Variants in ZNF711 observed in about 807,000 individuals in gnomAD.
ZNF711 encodes ZFX family zinc finger ZNF711.
A neutral mutation model predicts 43.5 loss-of-function variants in ZNF711; 3 were observed. The observed-to-expected ratio is 0.07, with a 90% CI of 0.03 to 0.18. ZNF711 has a LOEUF of 0.18. ZNF711 is among the 10% of genes least tolerant of loss of function. The probability of loss-of-function intolerance (pLI) is 1.00; values close to 1 mark genes in which losing one functional copy is unlikely to be tolerated. For synonymous variants in ZNF711, 209 were observed against 207.7 expected (o/e 1.01, Z -0.06); for missense variants, 412 against 604.0 (o/e 0.68, Z 3.33).
Position 85,264,336 on chromosome X carries a change from T to C in ZNF711, c.684T>C (p.Asp228=). The change falls in exon 6 of 11, where the codon GAT becomes GAC. Residue 228 remains aspartate (D), a synonymous_variant. Transcript: ENST00000674551. ...MGNTPLKIGS[D]GSQEDAKEDG... ...ATACACCATTAAAAATTGGCAGTGA[T>C]GGTTCACAAGAAGATGCTAAAGAAG... 8.3e-7 allele frequency: 1 copy of C among 1,205,861 alleles called. No homozygotes were observed. The highest frequency in any genetic ancestry group is 1.1e-6 in the Non-Finnish European group (1 of 890,829).
At chrX:85,248,707 A>T (rs941645658) in intron 4 of ZNF711, among the ~76,000 whole-genome samples, 1 of 111,209 alleles carries the variant, frequency 9.0e-6, no homozygotes, top group Non-Finnish European at 1.9e-5. Context: ...AGCAGAAAAG[A>T]CAAATGGTGA....
At position 85,267,425 on chromosome X, in the gene ZNF711, T is replaced by G. The variant is rs1375555323; in HGVS notation, c.1054+10T>G. ...TGGGCTGCGGCATATGGTAGGATAC[T>G]GGCATTTTTTCACCTGATAAGTACA... On this transcript the variant is annotated intron_variant, in intron 8 of 10. Transcript: ENST00000674551. The G allele has an allele frequency of 9.0e-7, 1 of 1,112,654 alleles. No homozygotes were observed. 91.7% of individuals were successfully genotyped at this position (1,112,654 alleles called of 1,213,427 possible).
intron 2 of ZNF711, 74 bp downstream of exon 2, chrX:85,246,096 G>C (rs1465423656): frequency 8.9e-6 from 1 of 111,784 alleles, no homozygotes; most frequent in Non-Finnish European, 1.9e-5. Context: ...AACATTTTCA[G>C]ACATTTGTAG....
chrX:85,247,604 A>C lies in ZNF711; in HGVS notation c.32A>C (p.His11Pro), dbSNP rs1929140090. The C allele has an allele frequency of 1.7e-6, 2 of 1,208,895 alleles. No individual in the cohort carries two copies. Among genetic ancestry groups the C allele is most frequent in the South Asian group, 3.5e-5 (2 of 56,531 alleles). ...TCAGGCGGTGGAAGTCTTGGATTGC[A>C]CACGCCAGACTCTAGAATGGCCCAT... MDSGGGSLGL[H>P]TPDSRMAHTM... Residue 11 changes from histidine (H) to proline (P), a missense_variant, in exon 4 of 11, where the codon CAC (histidine) becomes CCC (proline). By Grantham distance (77) the His-to-Pro change is moderately conservative. Coordinates refer to ENST00000674551, the MANE Select transcript of ZNF711 (RefSeq NM_001330574.2).
At chrX:85,248,609 A>G (rs1929266686) in intron 4 of ZNF711, among the ~76,000 whole-genome samples, 1 of 110,812 alleles carries the variant, frequency 9.0e-6, no homozygotes, top group Non-Finnish European at 1.9e-5. Flanking sequence ...TTGGCCAGGG[A>G]TGATCTGAAT....
Position 85,244,123 on chromosome X carries a change from AGGCGGC to A in ZNF711, c.-455_-450del, listed in dbSNP as rs758475553. 1.6e-4 allele frequency: 24 copies of A among 147,304 alleles called. No individual in the cohort carries two copies. Among genetic ancestry groups the A allele is most frequent in the African/African-American group, 4.0e-4 (12 of 30,087 alleles). 12.1% of individuals were successfully genotyped at this position (147,304 alleles called of 1,213,427 possible). A position where few individuals can be genotyped will look rare whatever the true frequency, so the allele number is the denominator to read the frequency against. ...GGTCACAGTCCGACTGGCGGCACGG[AGGCGGC>A]GGCGGCGGCGGCGGCGGCAGCGGCG... On this transcript the variant is annotated 5_prime_UTR_variant, in exon 1 of 11. Transcript: ENST00000674551.
chrX:85,247,500 T>G (rs138679709), intron 3 of ZNF711, 47 bp from the exon 4 acceptor site: 1 of 940,800 alleles, frequency 1.1e-6, no homozygotes, highest in Non-Finnish European at 1.5e-6. Context: ...AACAACTAAC[T>G]TTGGACTAAA....
chrX:85,270,213 A>T, intron 10 of ZNF711, 67 bp downstream of exon 10: 1 of 1,100,253 alleles, frequency 9.1e-7, no homozygotes, highest in East Asian at 3.2e-5. Flanking sequence ...TCACCAAAGA[A>T]AAATATCGAT....
chrX:85,266,697 A>G (rs192246365), intron 7 of ZNF711, among the ~76,000 whole-genome samples: 1 of 109,719 alleles, frequency 9.1e-6, no homozygotes, highest in African/African-American at 3.3e-5. Flanking sequence ...GTTTTGTTCA[A>G]TGAAGCTCAT....
chrX:85,270,258 T>A, intron 10 of ZNF711, 112 bp downstream of exon 10: 1 of 809,756 alleles, frequency 1.2e-6, no homozygotes, highest in East Asian at 3.5e-5. Flanking sequence ...CATGTACCTG[T>A]TTGTGTATGC....
At chrX:85,255,136 A>T (rs1422959385) in intron 4 of ZNF711, 123 bp from the exon 5 acceptor site, 38 of 695,100 alleles carry the variant, frequency 5.5e-5, no homozygotes, top group Non-Finnish European at 7.6e-5. Flanking sequence ...ATTTTAAAAA[A>T]TGATTTATTT....
chrX:85,258,132 G>A (rs976042173), intron 5 of ZNF711, among the ~76,000 whole-genome samples: 1 of 112,215 alleles, frequency 8.9e-6, no homozygotes, highest in African/African-American at 3.2e-5. Flanking sequence ...TATGGAACCA[G>A]CCGGAATGCC....
intron 4 of ZNF711, among the ~76,000 whole-genome samples, chrX:85,250,136 C>T (rs1602954855): frequency 9.0e-6 from 1 of 111,720 alleles, no homozygotes; most frequent in South Asian, 3.6e-4. Context: ...ATTTTTAATC[C>T]ACTAGAAATA....
chrX:85,264,200 T>G (rs755949331), intron 5 of ZNF711, 75 bp from the exon 6 acceptor site: 68 of 842,286 alleles, frequency 8.1e-5, no homozygotes, highest in Admixed American at 1.0e-4. Context: ...CACTAAATAG[T>G]GGTAATTTTT....
intron 4 of ZNF711, among the ~76,000 whole-genome samples, chrX:85,249,412 C>G (rs758229995): frequency 1.4e-4 from 16 of 111,444 alleles, no homozygotes; most frequent in African/African-American, 4.2e-4. Context: ...TATTACCTCT[C>G]CTATAGCATT....
chrX:85,267,197 G>A (rs888794745), intron 7 of ZNF711, 81 bp from the exon 8 acceptor site: 6 of 809,304 alleles, frequency 7.4e-6, no homozygotes, highest in African/African-American at 6.5e-5. Context: ...TTTGAAAGTT[G>A]AAAGATTTAC....
At chrX:85,257,483 T>C (rs1228212896) in intron 5 of ZNF711, among the ~76,000 whole-genome samples, 1 of 112,119 alleles carries the variant, frequency 8.9e-6, no homozygotes, top group African/African-American at 3.2e-5. Context: ...GCATCCATAT[T>C]ACTACAAAGG....
At chrX:85,245,276 C>G (rs1326005634) in intron 1 of ZNF711, among the ~76,000 whole-genome samples, 2 of 112,090 alleles carry the variant, frequency 1.8e-5, no homozygotes, top group Admixed American at 1.9e-4. Flanking sequence ...TTTCTACTCC[C>G]CATGCATTAA....
In ZNF711 at chrX:85,271,065, T is replaced by C; in HGVS notation, c.1661T>C (p.Val554Ala). 8.3e-7 allele frequency: 1 copy of C among 1,211,280 alleles called. No individual in the cohort carries two copies. Among genetic ancestry groups the C allele is most frequent in the South Asian group, 1.8e-5 (1 of 56,996 alleles). The stretch of plus-strand genomic sequence containing the variant: ...AGCAAGAATTTTCCTCATGTTTGTG[T>C]TGAGTGTGGGAAGGGTTTTCGACAT... ...VHSKNFPHVC[V>A]ECGKGFRHPS... Residue 554 changes from valine (V) to alanine (A), a missense_variant, in exon 11 of 11, where the codon GTT becomes GCT. Coordinates refer to ENST00000674551, the MANE Select transcript of ZNF711 (RefSeq NM_001330574.2).
Sources: allele counts gnomAD v4.1 joint callset (sites outside exome capture counted in the v4.1 genomes callset), GRCh38; gene constraint gnomAD v4.1.1; transcripts MANE v1.5; gene names NCBI Gene and HGNC (gene_info 2026-07-23, HGNC 2026-07-21).